INPP4B: variants seen among roughly 807,000 people sequenced by gnomAD.
The protein encoded by INPP4B is inositol polyphosphate-4-phosphatase type II B.
In INPP4B, 55 loss-of-function variants were observed where a neutral mutation model predicts 122.5. The observed-to-expected ratio is 0.45, with a 90% CI of 0.36 to 0.56. The LOEUF is 0.56. Ranked by LOEUF, INPP4B falls within the 20% of genes least tolerant of loss-of-function variation. The probability of loss-of-function intolerance (pLI) is 0.00; values close to 1 mark genes in which losing one functional copy is unlikely to be tolerated. For missense variants in INPP4B, 1,000 were observed against 1,097.7 expected, an observed-to-expected ratio of 0.91 and a Z score of 1.26; for synonymous variants, 403 against 388.7, an observed-to-expected ratio of 1.04 and a Z score of -0.43.
chr4:142,676,657 A>T lies in INPP4B; in HGVS notation c.-191+49182T>A, dbSNP rs941001518. Among the ~76,000 whole-genome samples the T allele has an allele frequency of 2.0e-5, 3 of 152,148 alleles. No individual in the cohort carries two copies. In the South Asian group the frequency reaches 6.2e-4, roughly 32 times the overall value. The stretch of plus-strand genomic sequence containing the variant: ...CCTAAACAGATATATAGACCAATGG[A>T]ACATAACAGAGCCCTCAGAAATAAC... On this transcript the variant is annotated intron_variant, in intron 2 of 25. Transcript: ENST00000262992.
chr4:142,155,544 T>A (rs1816730475), intron 17 of INPP4B, among the ~76,000 whole-genome samples: 2 of 152,134 alleles, frequency 1.3e-5, no homozygotes, highest in Non-Finnish European at 2.9e-5. Flanking sequence ...CTGTCAAGCT[T>A]GGCCCCCTTA....
chr4:142,636,444 C>T (rs768604592), intron 2 of INPP4B, among the ~76,000 whole-genome samples: 1 of 152,046 alleles, frequency 6.6e-6, no homozygotes, highest in Admixed American at 6.6e-5. Flanking sequence ...CTATTATTTT[C>T]ATGAATTAAA....
intron 9 of INPP4B, among the ~76,000 whole-genome samples, chr4:142,271,244 T>G (rs1745671522): frequency 6.6e-6 from 1 of 152,190 alleles, no homozygotes; most frequent in Non-Finnish European, 1.5e-5. Flanking sequence ...CATGTTGTTT[T>G]TCATTTGAAA....
At chr4:142,643,277 G>GA (rs1417293196) in intron 2 of INPP4B, among the ~76,000 whole-genome samples, 3 of 151,882 alleles carry the variant, frequency 2.0e-5, no homozygotes, top group African/African-American at 4.8e-5. Context: ...AAAAACTGTG[G>GA]AAAAAAACAA....
At chr4:142,462,408 A>ATTAATTTC (rs1370755193) in intron 3 of INPP4B, among the ~76,000 whole-genome samples, 1 of 152,194 alleles carries the variant, frequency 6.6e-6, no homozygotes, top group Non-Finnish European at 1.5e-5. Flanking sequence ...AAGTAATAAT[A>ATTAATTTC]TTAATTTCTT....
intron 2 of INPP4B, among the ~76,000 whole-genome samples, chr4:142,513,888 A>G (rs1825079928): frequency 6.6e-6 from 1 of 152,190 alleles, no homozygotes; most frequent in African/African-American, 2.4e-5. Flanking sequence ...TGCTTTGTGG[A>G]TTTTATATTC....
intron 3 of INPP4B, among the ~76,000 whole-genome samples, chr4:142,440,038 C>G (rs898246114): frequency 2.0e-5 from 3 of 152,136 alleles, no homozygotes; most frequent in African/African-American, 7.2e-5. Flanking sequence ...TAAAATAACT[C>G]TGTCAGAACG....
chr4:142,273,434 AAAGACTTTGTAAT>A lies in INPP4B; in HGVS notation c.504-2673_504-2661del, dbSNP rs1269549092. Among the ~76,000 whole-genome samples the A allele has an allele frequency of 4.6e-5, 7 of 152,074 alleles. No homozygotes were observed. The East Asian group carries it at 1.4e-3, about 29-fold the overall frequency. ...GTGATTCAATGCTTACTGGGGATAC[AAAGACTTTGTAAT>A]AAGAGGATGTTATGATGTTTACATT... On this transcript the variant is annotated intron_variant, in intron 9 of 25. Transcript: ENST00000262992.
chr4:142,276,191 A>G (rs1748311129), intron 9 of INPP4B, among the ~76,000 whole-genome samples: 1 of 151,842 alleles, frequency 6.6e-6, no homozygotes, highest in African/African-American at 2.4e-5. Flanking sequence ...TACCTGAAGA[A>G]CCTACTTCCC....
intron 7 of INPP4B, among the ~76,000 whole-genome samples, chr4:142,392,529 T>A (rs185378351): frequency 8.0e-4 from 122 of 152,302 alleles, no homozygotes; most frequent in African/African-American, 2.8e-3. Context: ...AACAGAACAT[T>A]GGTTCACTCC....
At chr4:142,195,080 C>A (rs1027086722) in intron 14 of INPP4B, among the ~76,000 whole-genome samples, 2 of 152,162 alleles carry the variant, frequency 1.3e-5, no homozygotes, top group African/African-American at 4.8e-5. Flanking sequence ...GCAATACCAA[C>A]AATATACAGA....
chr4:142,378,113 A>G (rs1475371089), intron 7 of INPP4B, among the ~76,000 whole-genome samples: 1 of 152,158 alleles, frequency 6.6e-6, no homozygotes, highest in Non-Finnish European at 1.5e-5. Context: ...TTTTCCTTCC[A>G]GTAGTCGACA....
intron 23 of INPP4B, among the ~76,000 whole-genome samples, chr4:142,106,991 A>C (rs1337333884): frequency 6.6e-6 from 1 of 152,168 alleles, no homozygotes. Context: ...TTGCTAAAGA[A>C]AAATAGTTTT....
At chr4:142,520,315 C>G in intron 2 of INPP4B, among the ~76,000 whole-genome samples, 1 of 151,762 alleles carries the variant, frequency 6.6e-6, no homozygotes, top group East Asian at 1.9e-4. Flanking sequence ...TTAAGATAGA[C>G]AAGGGTTAGC....
chr4:142,654,023 T>C (rs1580633703), intron 2 of INPP4B, among the ~76,000 whole-genome samples: 1 of 152,122 alleles, frequency 6.6e-6, no homozygotes, highest in Non-Finnish European at 1.5e-5. Flanking sequence ...ATATACACCA[T>C]GGAATACTAT....
intron 7 of INPP4B, among the ~76,000 whole-genome samples, chr4:142,323,764 A>G (rs1178232075): frequency 6.7e-6 from 1 of 149,262 alleles, no homozygotes; most frequent in African/African-American, 2.5e-5. Flanking sequence ...TTTTTTTTTA[A>G]TGTCAAGCCA....
intron 22 of INPP4B, among the ~76,000 whole-genome samples, chr4:142,109,876 A>G (rs1301562998): frequency 6.6e-6 from 1 of 152,098 alleles, no homozygotes; most frequent in Non-Finnish European, 1.5e-5. Context: ...TATGTCCCAT[A>G]GCTTGGCAGA....
At chr4:142,581,249 C>T (rs1734989749) in intron 2 of INPP4B, among the ~76,000 whole-genome samples, 1 of 151,884 alleles carries the variant, frequency 6.6e-6, no homozygotes, top group Admixed American at 6.6e-5. Context: ...TCTCAAAAAG[C>T]TTTAGAGGCT....
intron 7 of INPP4B, among the ~76,000 whole-genome samples, chr4:142,315,534 G>A (rs1043485817): frequency 2.0e-5 from 3 of 151,784 alleles, no homozygotes; most frequent in Admixed American, 6.6e-5. Context: ...ATCACCTGGG[G>A]ACCCTTTCAA....
Sources: gnomAD v4.1 joint callset for allele counts (sites outside exome capture counted in the v4.1 genomes callset) on GRCh38, gnomAD v4.1.1 for gene constraint, MANE v1.5 for transcripts, NCBI Gene and HGNC (gene_info 2026-07-23, HGNC 2026-07-21) for gene names.